FAM83D: variants seen among roughly 807,000 people sequenced by gnomAD.
The protein encoded by FAM83D is scaffolding CK1 anchoring protein D.
In FAM83D, 26 loss-of-function variants were observed where a neutral mutation model predicts 25.4. The observed-to-expected ratio is 1.02, with a 90% CI of 0.75 to 1.42. The LOEUF is 1.42. Among genes scored for constraint, FAM83D ranks in the 40% most tolerant of loss-of-function variants. The probability of loss-of-function intolerance (pLI) is 0.00; values close to 1 mark genes in which losing one functional copy is unlikely to be tolerated. For synonymous variants in FAM83D, 310 were observed against 318.5 expected, an observed-to-expected ratio of 0.97 and a Z score of 0.28; for missense variants, 740 against 758.1, an observed-to-expected ratio of 0.98 and a Z score of 0.28.
chr20:38,947,625 G>T (rs560096793), intron 2 of FAM83D, among the ~76,000 whole-genome samples: 5 of 152,302 alleles, frequency 3.3e-5, no homozygotes, highest in South Asian at 2.1e-4. Flanking sequence ...TGAACTAAGG[G>T]TCTCAAAAGT....
intron 1 of FAM83D, among the ~76,000 whole-genome samples, chr20:38,928,409 C>T (rs2085645409): frequency 6.6e-6 from 1 of 152,180 alleles, no homozygotes. Context: ...CAGCTAGGCT[C>T]TTACCAGCCC....
At position 38,951,668 on chromosome 20, in the gene FAM83D, G is replaced by A. The variant is rs2085754698; in HGVS notation, c.906G>A (p.Leu302=). Residue 302 remains leucine (L), a synonymous_variant, in exon 4 of 4, where the codon CTG becomes CTA. Transcript: ENST00000619850. ...AQSKPISPKL[L]SHFQSSNKFD... ...CCAAGCCCATCAGCCCCAAACTCCTGTCTCACTTCCAGAGCAGCAACAAGT... is the reference window on the plus strand; with the variant it reads ...CCAAGCCCATCAGCCCCAAACTCCTATCTCACTTCCAGAGCAGCAACAAGT... 1.2e-6 allele frequency: 2 copies of A among 1,614,040 alleles called. No homozygotes were observed. The highest frequency in any genetic ancestry group is 1.7e-6 in the Non-Finnish European group (2 of 1,180,040).
intron 3 of FAM83D, among the ~76,000 whole-genome samples, chr20:38,950,773 A>AT (rs2085749964): frequency 6.7e-6 from 1 of 149,710 alleles, no homozygotes; most frequent in African/African-American, 2.6e-5. Flanking sequence ...TAAAATGGGG[A>AT]TGCTGGCCTA....
intron 2 of FAM83D, among the ~76,000 whole-genome samples, chr20:38,946,197 CAAA>C (rs56740383): frequency 0.24 from 18,759 of 77,610 alleles, 747 homozygotes; most frequent in East Asian, 0.33. Flanking sequence ...GACTCCACCT[CAAA>C]AAAAAAAAAA....
chr20:38,935,092 CA>C (rs997310653), intron 1 of FAM83D, among the ~76,000 whole-genome samples: 9 of 151,770 alleles, frequency 5.9e-5, no homozygotes, highest in African/African-American at 1.9e-4. Flanking sequence ...GAAGAATATA[CA>C]AAAAACTATT....
chr20:38,948,405 T>C (rs1224862880), intron 3 of FAM83D, among the ~76,000 whole-genome samples: 3 of 152,154 alleles, frequency 2.0e-5, no homozygotes, highest in Non-Finnish European at 4.4e-5. Flanking sequence ...TCTCCATTAG[T>C]GTTGAAGGCA....
rs763008692 is a variant in FAM83D at position 38,929,790 on chromosome 20, T to TA, written c.483+2884dup. 6.6e-3 allele frequency among the ~76,000 whole-genome samples: 847 copies of TA among 128,756 alleles called. 8 individuals are homozygous for TA. The highest frequency in any genetic ancestry group is 0.06 in the East Asian group (273 of 4,546). The allele number at this position is 128,756 out of a possible 152,430, so 84.5% of individuals were successfully genotyped here. A position where few individuals can be genotyped will look rare whatever the true frequency, so the allele number is the denominator to read the frequency against. ...GCAACACGGGGAGACCCTGTCTCTTTAAAAAAAAAAAAAAAAAAAGTAATG... is the reference window on the plus strand; with the variant it reads ...GCAACACGGGGAGACCCTGTCTCTTTAAAAAAAAAAAAAAAAAAAAGTAATG... On this transcript the variant is annotated intron_variant, in intron 1 of 3. Transcript: ENST00000619850.
chr20:38,946,479 T>C (rs144817962), intron 2 of FAM83D, among the ~76,000 whole-genome samples: 4 of 152,290 alleles, frequency 2.6e-5, no homozygotes, highest in African/African-American at 9.6e-5. Flanking sequence ...GAAATTGACA[T>C]TGTATACAGC....
In FAM83D at chr20:38,951,810, A is replaced by G. The variant is rs1488917109; in HGVS notation, c.1048A>G (p.Met350Val). The change falls in exon 4 of 4, where the codon ATG becomes GTG. Residue 350 changes from methionine to valine, a missense_variant. Transcript: ENST00000619850. ...TPRKADLDPE[M>V]PAEGKAERKP... is the part of the protein sequence containing the mutation. ...CAGGAAGGCGGACCTGGACCCAGAG[A>G]TGCCCGCAGAGGGCAAGGCAGAGCG... 2 of 1,614,188 alleles carry G rather than the reference A, an allele frequency of 1.2e-6. No individual in the cohort carries two copies. Among genetic ancestry groups the G allele is most frequent in the Non-Finnish European group, 1.7e-6 (2 of 1,180,024 alleles).
At chr20:38,932,405 C>T (rs1487284597) in intron 1 of FAM83D, among the ~76,000 whole-genome samples, 1 of 152,134 alleles carries the variant, frequency 6.6e-6, no homozygotes, top group East Asian at 1.9e-4. Flanking sequence ...AATAAAAACA[C>T]AATTACGTAT....
Position 38,926,679 on chromosome 20 carries a change from CGCGGCG to C in FAM83D, c.252_257del (p.Ala85_Ala86del), listed in dbSNP as rs534813259. On this transcript the variant is annotated inframe_deletion, in exon 1 of 4. Coordinates refer to ENST00000619850, the MANE Select transcript of FAM83D (RefSeq NM_030919.3). ...CGGCGGAGAGGCCGGGAGAGGAGGGCGCGGCGGCGGCGGCGGCGGCCGAGGACTCGT... is the reference window on the plus strand; with the variant it reads ...CGGCGGAGAGGCCGGGAGAGGAGGGCGCGGCGGCGGCGGCCGAGGACTCGT... The C allele has an allele frequency of 1.2e-5, 18 of 1,519,714 alleles. 1 individual carries two copies. The South Asian group carries it at 1.7e-4, about 14-fold the overall frequency. The allele number at this position is 1,519,714 out of a possible 1,614,324, so 94.1% of individuals were successfully genotyped here. A position where few individuals can be genotyped will look rare whatever the true frequency, so the allele number is the denominator to read the frequency against.
chr20:38,929,290 A>G (rs2085649348), intron 1 of FAM83D, among the ~76,000 whole-genome samples: 1 of 152,074 alleles, frequency 6.6e-6, no homozygotes, highest in Non-Finnish European at 1.5e-5. Context: ...GGCTGGGGCC[A>G]CAGGGGAAGG....
rs2085757229 is a variant in FAM83D at position 38,951,989 on chromosome 20, A to G, written c.1227A>G (p.Thr409=). ...MPGLSVSEVG[T]QTSITTACAG... is the part of the protein sequence containing the mutation. ...GGCTGAGTGTGAGTGAGGTGGGAAC[A>G]CAAACCAGCATCACCACAGCATGTG... Residue 409 remains threonine, a synonymous_variant, in exon 4 of 4, where the codon ACA becomes ACG. Coordinates refer to ENST00000619850, the MANE Select transcript of FAM83D (RefSeq NM_030919.3). The G allele has an allele frequency of 6.2e-7, 1 of 1,614,088 alleles. No individual in the cohort carries two copies. Among genetic ancestry groups the G allele is most frequent in the South Asian group, 1.1e-5 (1 of 91,092 alleles).
chr20:38,947,574 T>A (rs1339402918), intron 2 of FAM83D, among the ~76,000 whole-genome samples: 1 of 152,222 alleles, frequency 6.6e-6, no homozygotes, highest in Non-Finnish European at 1.5e-5. Flanking sequence ...TTGTTTAGTA[T>A]CCCAAAAAGG....
chr20:38,944,480 T>C (rs1042481028), intron 2 of FAM83D, among the ~76,000 whole-genome samples: 2 of 152,234 alleles, frequency 1.3e-5, no homozygotes, highest in East Asian at 3.8e-4. Context: ...TAATTAAGGC[T>C]ATGCATTAGC....
At chr20:38,935,468 G>A (rs2085674861) in intron 1 of FAM83D, among the ~76,000 whole-genome samples, 1 of 152,216 alleles carries the variant, frequency 6.6e-6, no homozygotes, top group African/African-American at 2.4e-5. Context: ...TTTGAGACAA[G>A]TTCTCATTCT....
Position 38,948,022 on chromosome 20 carries a change from G to A in FAM83D, c.776+22G>A, listed in dbSNP as rs537596405. ...ACAGGTAAGTCTCTAACCCGTCCAA[G>A]GCTTATTAATCTAAACTCTTCAGAA... On this transcript the variant is annotated intron_variant, in intron 3 of 3. Coordinates refer to ENST00000619850, the MANE Select transcript of FAM83D (RefSeq NM_030919.3). 12 of 1,612,414 alleles carry A rather than the reference G, an allele frequency of 7.4e-6. No homozygotes were observed. In the South Asian group the frequency reaches 9.9e-5, roughly 13 times the overall value.
At chr20:38,935,416 A>G (rs1351857097) in intron 1 of FAM83D, among the ~76,000 whole-genome samples, 1 of 152,140 alleles carries the variant, frequency 6.6e-6, no homozygotes, top group African/African-American at 2.4e-5. Flanking sequence ...CAGCACTTTC[A>G]TCTAATACTT....
Position 38,951,545 on chromosome 20 carries a change from A to T in FAM83D, c.783A>T (p.Thr261=). ...TTTCTTTTTAATCTTTAAGTTTTACATGGACGGATGGCAAATTAAACAGCA... is the reference window on the plus strand; with the variant it reads ...TTTCTTTTTAATCTTTAAGTTTTACTTGGACGGATGGCAAATTAAACAGCA... The part of the protein sequence containing the change: ...IRVATGSYSF[T]WTDGKLNSSN... The change falls in exon 4 of 4, where the codon ACA becomes ACT. Residue 261 remains threonine, a synonymous_variant. Coordinates refer to ENST00000619850, the MANE Select transcript of FAM83D (RefSeq NM_030919.3). 6.2e-7 allele frequency: 1 copy of T among 1,610,624 alleles called. No homozygotes were observed. Among genetic ancestry groups the T allele is most frequent in the Middle Eastern group, 1.7e-4 (1 of 6,040 alleles).
Sources: gnomAD v4.1 joint callset for allele counts (sites outside exome capture counted in the v4.1 genomes callset) on GRCh38, gnomAD v4.1.1 for gene constraint, MANE v1.5 for transcripts, NCBI Gene and HGNC (gene_info 2026-07-23, HGNC 2026-07-21) for gene names.